TOMM70: variants seen among roughly 807,000 people sequenced by gnomAD.
TOMM70 encodes translocase of outer mitochondrial membrane 70.
A neutral mutation model predicts 73.6 loss-of-function variants in TOMM70; 13 were observed. The observed-to-expected ratio is 0.18, with a 90% CI of 0.11 to 0.28. TOMM70 has a LOEUF of 0.28. Among genes scored for constraint, TOMM70 ranks in the 10% least tolerant of loss-of-function variants. The pLI, the probability that TOMM70 is intolerant of heterozygous loss-of-function variation, is 1.00. For missense variants in TOMM70, 609 were observed against 747.5 expected (o/e 0.81, Z 2.16); for synonymous variants, 257 against 271.2 (o/e 0.95, Z 0.51).
chr3:100,386,441 A>G (rs976952680), intron 2 of TOMM70, 97 bp from the exon 3 acceptor site: 1 of 1,254,404 alleles, frequency 8.0e-7, no homozygotes, highest in African/African-American at 1.5e-5. Flanking sequence ...AAAGTCCTAG[A>G]ATAAAAAAGT....
chr3:100,373,388 C>A (rs78436007), intron 8 of TOMM70, 150 bp downstream of exon 8: 2 of 553,854 alleles, frequency 3.6e-6, no homozygotes, highest in Non-Finnish European at 6.3e-6. Flanking sequence ...AATACAAGAG[C>A]TAGGTATCAA....
chr3:100,390,560 G>T (rs1706747268), intron 1 of TOMM70, among the ~76,000 whole-genome samples: 1 of 152,242 alleles, frequency 6.6e-6, no homozygotes, highest in Non-Finnish European at 1.5e-5. Flanking sequence ...GGGTGCAGTG[G>T]CTCATGCCTG....
chr3:100,380,253 G>C (rs1172288751), intron 5 of TOMM70, among the ~76,000 whole-genome samples: 1 of 152,086 alleles, frequency 6.6e-6, no homozygotes, highest in Non-Finnish European at 1.5e-5. Flanking sequence ...GCTGAGGTGG[G>C]AGAATTGCTT....
At chr3:100,371,325 T>C (rs566727718) in intron 9 of TOMM70, among the ~76,000 whole-genome samples, 44 of 146,158 alleles carry the variant, frequency 3.0e-4, no homozygotes, top group African/African-American at 1.1e-3. Flanking sequence ...AGTGTGGTAG[T>C]GTGATCTCAG....
chr3:100,373,703 T>C (rs1706534871), intron 7 of TOMM70, 58 bp from the exon 8 acceptor site: 1 of 1,176,040 alleles, frequency 8.5e-7, no homozygotes, highest in Non-Finnish European at 1.3e-6. Flanking sequence ...GTATGTTCAG[T>C]GTCTCATCTC....
chr3:100,367,348 C>G (rs936828066), intron 11 of TOMM70, among the ~76,000 whole-genome samples: 3 of 152,030 alleles, frequency 2.0e-5, no homozygotes, highest in African/African-American at 7.3e-5. Context: ...ACAGGAGGGG[C>G]TGAATGATAG....
At chr3:100,391,651 G>A (rs1706763322) in intron 1 of TOMM70, among the ~76,000 whole-genome samples, 1 of 152,100 alleles carries the variant, frequency 6.6e-6, no homozygotes, top group Non-Finnish European at 1.5e-5. Context: ...TGTCCAGGCT[G>A]GTATCGAATT....
At chr3:100,374,580 A>G (rs1706543018) in intron 7 of TOMM70, among the ~76,000 whole-genome samples, 1 of 152,244 alleles carries the variant, frequency 6.6e-6, no homozygotes, top group Non-Finnish European at 1.5e-5. Flanking sequence ...AAAAACTAAT[A>G]TGCCTGTTAT....
At chr3:100,399,893 C>T (rs1176003306) in intron 1 of TOMM70, among the ~76,000 whole-genome samples, 2 of 151,890 alleles carry the variant, frequency 1.3e-5, no homozygotes, top group Non-Finnish European at 2.9e-5. Context: ...CCAAGGGGTC[C>T]GGAGTGCAAA....
At chr3:100,372,525 G>T in intron 9 of TOMM70, 81 bp downstream of exon 9, 1 of 1,144,186 alleles carries the variant, frequency 8.7e-7, no homozygotes, top group Non-Finnish European at 1.3e-6. Flanking sequence ...CTGCAACCAT[G>T]ATAGCACTGT....
At chr3:100,375,192 T>C (rs766562917) in intron 6 of TOMM70, 40 bp from the exon 7 acceptor site, 70 of 1,504,090 alleles carry the variant, frequency 4.7e-5, no homozygotes, top group Non-Finnish European at 6.0e-5. Flanking sequence ...CATTACTTTT[T>C]TTTCCCTCCA....
intron 9 of TOMM70, among the ~76,000 whole-genome samples, chr3:100,369,364 T>C (rs1576209736): frequency 6.6e-6 from 1 of 152,208 alleles, no homozygotes; most frequent in Admixed American, 6.5e-5. Context: ...TGGTTAGTTA[T>C]ATGCCACAGC....
intron 1 of TOMM70, among the ~76,000 whole-genome samples, chr3:100,400,401 G>A (rs1337487470): frequency 2.6e-5 from 4 of 152,190 alleles, no homozygotes; most frequent in Non-Finnish European, 5.9e-5. Flanking sequence ...GAAAAGCAAA[G>A]GATTTTTCTG....
In TOMM70 at chr3:100,400,855, C is replaced by T. The variant is rs1243234566; in HGVS notation, c.95G>A (p.Gly32Asp). 4 of 1,525,080 alleles carry T rather than the reference C, an allele frequency of 2.6e-6. No individual in the cohort carries two copies. The highest frequency in any genetic ancestry group is 3.5e-6 in the Non-Finnish European group (4 of 1,143,248). 94.5% of individuals were successfully genotyped at this position (1,525,080 alleles called of 1,614,324 possible). ...CTGCCATCGCGGCAGCCCCCCCGTG[C>T]CCGGGCCCGCAGTCCCGCCGCCGCC... ...GVGGGGTAGPGTGGLPRWQLA... is the reference protein window; with the variant it reads ...GVGGGGTAGPDTGGLPRWQLA... The change falls in exon 1 of 12, where the codon GGC (glycine) becomes GAC (aspartate). Residue 32 changes from glycine to aspartate, a missense_variant. Around this residue, in one of 2 missense-constraint regions of TOMM70, gnomAD observed 177 missense variants for 163.5 expected, o/e 1.08. Coordinates refer to ENST00000284320, the MANE Select transcript of TOMM70 (RefSeq NM_014820.5).
chr3:100,365,854 A>G (rs1487294600), intron 11 of TOMM70, 137 bp from the exon 12 acceptor site: 2 of 973,554 alleles, frequency 2.1e-6, no homozygotes, highest in Admixed American at 5.4e-5. Context: ...GTGATGCTAC[A>G]TGAAGTCTGA....
At chr3:100,366,092 A>G (rs943222763) in intron 11 of TOMM70, among the ~76,000 whole-genome samples, 5 of 152,212 alleles carry the variant, frequency 3.3e-5, no homozygotes, top group South Asian at 2.1e-4. Flanking sequence ...ACATGTTTCT[A>G]CTGTTAACAT....
At chr3:100,394,920 G>A (rs367854224) in intron 1 of TOMM70, among the ~76,000 whole-genome samples, 5 of 152,118 alleles carry the variant, frequency 3.3e-5, no homozygotes, top group East Asian at 1.9e-4. Context: ...CCCATTTCAC[G>A]TCTGGAAATT....
chr3:100,392,621 T>C (rs1481464505), intron 1 of TOMM70, among the ~76,000 whole-genome samples: 2 of 151,928 alleles, frequency 1.3e-5, no homozygotes, highest in Non-Finnish European at 2.9e-5. Flanking sequence ...TTTCACAATG[T>C]TGGCCAGGCT....
At chr3:100,400,508 G>A (rs1312762444) in intron 1 of TOMM70, 118 bp downstream of exon 1, 1 of 1,184,512 alleles carries the variant, frequency 8.4e-7, no homozygotes, top group East Asian at 2.6e-5. Context: ...CTAAACCCAA[G>A]TGTTGTGCTG....
Sources: gnomAD v4.1 joint callset for allele counts (sites outside exome capture counted in the v4.1 genomes callset) on GRCh38, gnomAD v4.1.1 for gene constraint, gnomAD v4.1.1 regional missense constraint, MANE v1.5 for transcripts, NCBI Gene and HGNC (gene_info 2026-07-23, HGNC 2026-07-21) for gene names.